TYW5: variants seen among roughly 807,000 people sequenced by gnomAD.
TYW5 encodes tRNA wybutosine-synthesizing protein 5.
TYW5 carries 36 observed loss-of-function variants against 44.4 expected under a neutral mutation model. The observed-to-expected ratio is 0.81, with a 90% CI of 0.62 to 1.07. The LOEUF (loss-of-function observed/expected upper bound fraction) is 1.07. Among genes scored for constraint, TYW5 ranks in the 50% least tolerant of loss-of-function variants. The probability of loss-of-function intolerance (pLI) is 0.00; values close to 1 mark genes in which losing one functional copy is unlikely to be tolerated. For synonymous variants in TYW5, 121 were observed against 128.1 expected (o/e 0.94, Z 0.37); for missense variants, 354 against 365.7 (o/e 0.97, Z 0.26).
Position 199,948,466 on chromosome 2 carries a change from G to T in TYW5, c.85C>A (p.Pro29Thr). The T allele has an allele frequency of 6.2e-7, 1 of 1,613,816 alleles. No individual in the cohort carries two copies. The highest frequency in any genetic ancestry group is 1.3e-5 in the African/African-American group (1 of 75,010). Residue 29 changes from proline to threonine, a missense_variant, in exon 2 of 8, where the codon CCT becomes ACT. Transcript: ENST00000354611. The stretch of plus-strand genomic sequence containing the variant: ...AAATCAATCCCTTCCAACACAAGAG[G>T]TTTTCTCTGTAAGTGGGGAAAGAAA... Reference protein sequence around the residue: ...FMQHLYPQRKPLVLEGIDLGP... With the variant: ...FMQHLYPQRKTLVLEGIDLGP...
At chr2:199,952,711 A>G (rs2077555488) in intron 1 of TYW5, among the ~76,000 whole-genome samples, 1 of 152,244 alleles carries the variant, frequency 6.6e-6, no homozygotes, top group African/African-American at 2.4e-5. Flanking sequence ...AGTCATAGCT[A>G]GAAATGCCTT....
rs756443736 is a variant in TYW5 at position 199,930,554 on chromosome 2, C to G, written c.*2513G>C. On this transcript the variant is annotated 3_prime_UTR_variant, in exon 8 of 8. Coordinates refer to ENST00000354611, the MANE Select transcript of TYW5 (RefSeq NM_001039693.3). ...ATCTGACCTCGTGATCTGCCCACCTCGGCCTCCCAAAGTGCTGGGATTACA... is the reference window on the plus strand; with the variant it reads ...ATCTGACCTCGTGATCTGCCCACCTGGGCCTCCCAAAGTGCTGGGATTACA... The G allele has an allele frequency of 6.6e-6, 1 of 152,368 alleles. No individual in the cohort carries two copies. Among genetic ancestry groups the G allele is most frequent in the Non-Finnish European group, 1.5e-5 (1 of 68,222 alleles). 9.4% of individuals were successfully genotyped at this position (152,368 alleles called of 1,614,324 possible). A position where few individuals can be genotyped will look rare whatever the true frequency, so the allele number is the denominator to read the frequency against.
At chr2:199,943,617 AGC>A (rs2077482112) in intron 3 of TYW5, 146 bp downstream of exon 3, 1 of 616,434 alleles carries the variant, frequency 1.6e-6, no homozygotes, top group African/African-American at 1.9e-5. Context: ...TAAATAGCAG[AGC>A]TACAGTCTGT....
chr2:199,941,997 C>G (rs2077468429), intron 3 of TYW5: 1 of 152,280 alleles, frequency 6.6e-6, no homozygotes, highest in African/African-American at 2.4e-5. Flanking sequence ...CCTATCCAAT[C>G]CTGCTTCCTC....
rs931134437 is a variant in TYW5, at chr2:199,948,155, T to A, written c.233+163A>T. On this transcript the variant is annotated intron_variant, in intron 2 of 7. Coordinates refer to ENST00000354611, the MANE Select transcript of TYW5 (RefSeq NM_001039693.3). ...TAATTATGTAAACTCAGAACTCTTGTCTTTTAAAAACCACTCTTTAAAAAT... is the reference window on the plus strand; with the variant it reads ...TAATTATGTAAACTCAGAACTCTTGACTTTTAAAAACCACTCTTTAAAAAT... 3 of 651,514 alleles carry A rather than the reference T, an allele frequency of 4.6e-6. No homozygotes were observed. In the African/African-American group the frequency reaches 5.5e-5, roughly 12 times the overall value. The allele number at this position is 651,514 out of a possible 1,614,324, so 40.4% of individuals were successfully genotyped here. A position where few individuals can be genotyped will look rare whatever the true frequency, so the allele number is the denominator to read the frequency against.
chr2:199,929,970 AT>A lies in TYW5; in HGVS notation c.*3096del, dbSNP rs35165461. ...ACCACTCCCCAGCTCTGCATATAAT[AT>A]TTTTTTTTTTTTTTTTTTTTTTGAG... On this transcript the variant is annotated 3_prime_UTR_variant, in exon 8 of 8. Transcript: ENST00000354611. 0.5 allele frequency: 45,149 copies of A among 90,054 alleles called. 9,359 individuals are homozygous for A. Among genetic ancestry groups the A allele is most frequent in the South Asian group, 0.66 (1,521 of 2,314 alleles). The allele number at this position is 90,054 out of a possible 1,614,324, so 5.6% of individuals were successfully genotyped here.
intron 7 of TYW5, 44 bp from the exon 8 acceptor site, chr2:199,933,367 TAAAAA>T (rs199606074): frequency 6.6e-7 from 1 of 1,520,316 alleles, no homozygotes; most frequent in South Asian, 1.3e-5. Flanking sequence ...AACCTACAGT[TAAAAA>T]AAAACCCAAA....
intron 5 of TYW5, 109 bp from the exon 6 acceptor site, chr2:199,936,601 C>G: frequency 3.5e-6 from 3 of 846,622 alleles, no homozygotes; most frequent in Non-Finnish European, 5.7e-6. Context: ...TGAGACTTGA[C>G]TTACTTAAGA....
At position 199,929,018 on chromosome 2, in the gene TYW5, A is replaced by G. The variant is rs550526681; in HGVS notation, c.*4049T>C. Among the ~76,000 whole-genome samples, 1 of 152,202 alleles carries G rather than the reference A, an allele frequency of 6.6e-6. No individual in the cohort carries two copies. The highest frequency in any genetic ancestry group is 2.1e-4 in the South Asian group (1 of 4,832). ...TATTTCACTTGAAGTTCTTAAGAGAAAAACATAAGAGGAGATATAGACAGA... is the reference window on the plus strand; with the variant it reads ...TATTTCACTTGAAGTTCTTAAGAGAGAAACATAAGAGGAGATATAGACAGA... On this transcript the variant is annotated 3_prime_UTR_variant, in exon 8 of 8. Coordinates refer to ENST00000354611, the MANE Select transcript of TYW5 (RefSeq NM_001039693.3).
In TYW5 at chr2:199,933,146, G is replaced by A. The variant is rs778957540; in HGVS notation, c.869C>T (p.Pro290Leu). 1 of 1,614,070 alleles carries A rather than the reference G, an allele frequency of 6.2e-7. No individual in the cohort carries two copies. The highest frequency in any genetic ancestry group is 8.5e-7 in the Non-Finnish European group (1 of 1,179,996). The change falls in exon 8 of 8, where the codon CCA becomes CTA. Residue 290 changes from proline to leucine, a missense_variant. Pro to Leu is a moderately conservative substitution (Grantham distance 98). Coordinates refer to ENST00000354611, the MANE Select transcript of TYW5 (RefSeq NM_001039693.3). ...DRALKTLAEL[P>L]EEYRDFYARR... ...TGCATAGAAGTCCCTATATTCCTCTGGTAACTCGGCCAGTGTTTTCAAGGC... is the reference window on the plus strand; with the variant it reads ...TGCATAGAAGTCCCTATATTCCTCTAGTAACTCGGCCAGTGTTTTCAAGGC...
chr2:199,955,352 TCG>T (rs1476805604), intron 1 of TYW5, 39 bp downstream of exon 1: 8 of 1,603,672 alleles, frequency 5.0e-6, no homozygotes, highest in Admixed American at 1.7e-5. Context: ...GACGTGTCTC[TCG>T]CTGGTTTCTC....
chr2:199,933,755 T>C (rs1488352873), intron 7 of TYW5, among the ~76,000 whole-genome samples: 2 of 152,202 alleles, frequency 1.3e-5, no homozygotes, highest in Non-Finnish European at 2.9e-5. Context: ...TATAATACTT[T>C]TGTCCCTAAA....
chr2:199,943,951 C>G (rs1366778938), intron 2 of TYW5, 117 bp from the exon 3 acceptor site: 1 of 650,814 alleles, frequency 1.5e-6, no homozygotes, highest in Non-Finnish European at 2.5e-6. Flanking sequence ...TTTATAATAT[C>G]TGTAATTTTT....
chr2:199,954,194 G>A (rs1258559628), intron 1 of TYW5, among the ~76,000 whole-genome samples: 1 of 151,838 alleles, frequency 6.6e-6, no homozygotes, highest in Non-Finnish European at 1.5e-5. Flanking sequence ...TCGACCTCCC[G>A]GGCTCAAGCA....
In TYW5 at chr2:199,929,554, ATTTTTTTT is replaced by A. The variant is rs33943305; in HGVS notation, c.*3505_*3512del. On this transcript the variant is annotated 3_prime_UTR_variant, in exon 8 of 8. Coordinates refer to ENST00000354611, the MANE Select transcript of TYW5 (RefSeq NM_001039693.3). ...CCAGGCCTGCCTTCCAGCTTCCTGC[ATTTTTTTT>A]TTTTTTTTTTTGTCAACTCCTTTGA... 6.5e-5 allele frequency among the ~76,000 whole-genome samples: 7 copies of A among 107,542 alleles called. No individual in the cohort carries two copies. Among genetic ancestry groups the A allele is most frequent in the African/African-American group, 1.7e-4 (5 of 29,498 alleles). 70.6% of individuals were successfully genotyped at this position (107,542 alleles called of 152,430 possible).
At chr2:199,950,910 T>C (rs1355109795) in intron 1 of TYW5, among the ~76,000 whole-genome samples, 3 of 152,226 alleles carry the variant, frequency 2.0e-5, no homozygotes. Flanking sequence ...GTCACACTTG[T>C]TTTGAACTGT....
intron 2 of TYW5, chr2:199,947,918 C>G (rs1485465140): frequency 5.7e-6 from 1 of 174,302 alleles, no homozygotes; most frequent in Non-Finnish European, 1.2e-5. Context: ...ATGGTGAAAC[C>G]CTGTCTCTAC....
chr2:199,941,233 G>T (rs182066826), intron 3 of TYW5, among the ~76,000 whole-genome samples: 4 of 152,190 alleles, frequency 2.6e-5, no homozygotes, highest in African/African-American at 9.6e-5. Flanking sequence ...TAGAGAAGGA[G>T]ACTCGCTATG....
In TYW5 at chr2:199,933,781, C is replaced by T. The variant is rs2077398656; in HGVS notation, c.692-458G>A. ...TGTCCCTAAAGACTTCCTGTTCAAG[C>T]TGCGATTTGGTTTTCTAACTTGCTT... is the stretch of plus-strand genomic sequence containing the variant. On this transcript the variant is annotated intron_variant, in intron 7 of 7. Transcript: ENST00000354611. Among the ~76,000 whole-genome samples, 3 of 152,158 alleles carry T rather than the reference C, an allele frequency of 2.0e-5. No individual in the cohort carries two copies. In the South Asian group the frequency reaches 6.2e-4, roughly 31 times the overall value.
Sources: allele counts gnomAD v4.1 joint callset (sites outside exome capture counted in the v4.1 genomes callset), GRCh38; gene constraint gnomAD v4.1.1; transcripts MANE v1.5; gene names NCBI Gene and HGNC (gene_info 2026-07-23, HGNC 2026-07-21).